The following EVC2 variants were observed in gnomAD, a reference collection of about 807,000 sequenced individuals.
EVC2 encodes limbin.
A neutral mutation model predicts 149.3 loss-of-function variants in EVC2; 148 were observed. The observed-to-expected ratio is 0.99, with a 90% CI of 0.87 to 1.14. EVC2 has a LOEUF of 1.14. Among genes scored for constraint, EVC2 ranks in the 50% most tolerant of loss-of-function variants. The pLI, the probability that EVC2 is intolerant of heterozygous loss-of-function variation, is 0.00. For synonymous variants in EVC2, 776 were observed against 649.9 expected, an observed-to-expected ratio of 1.19 and a Z score of -2.95; for missense variants, 1,854 against 1,627.3, an observed-to-expected ratio of 1.14 and a Z score of -2.40.
chr4:5,648,808 A>C (rs975710529), intron 9 of EVC2, among the ~76,000 whole-genome samples: 9 of 152,144 alleles, frequency 5.9e-5, no homozygotes, highest in Admixed American at 2.0e-4. Flanking sequence ...GATGATAAAA[A>C]CTGTCAGGGT....
At chr4:5,705,540 A>AT (rs144005066) in intron 1 of EVC2, among the ~76,000 whole-genome samples, 12,844 of 151,606 alleles carry the variant, frequency 0.085, 604 homozygotes, top group Non-Finnish European at 0.11. Context: ...CATAAATAGC[A>AT]TTTTTTTTTG....
intron 21 of EVC2, among the ~76,000 whole-genome samples, chr4:5,545,181 A>G (rs530634658): frequency 6.6e-6 from 1 of 152,326 alleles, no homozygotes; most frequent in East Asian, 1.9e-4. Context: ...CCTCTCCAGG[A>G]GACATTCGCT....
chr4:5,625,853 CT>C lies in EVC2; in HGVS notation c.1941del (p.Glu648LysfsTer13). On this transcript the variant is annotated frameshift_variant, in exon 13 of 22. Transcript: ENST00000344408. LOFTEE classifies it high-confidence loss of function. This position sits in a 1 kb window ranked among gnomAD's most constrained non-coding sequence, Gnocchi z 4.0. ...QMEMLLERAQ[T>X]EVFSIKQKLD... Reference sequence around the variant, plus strand: ...AACTTCTGCTTGATTGAAAAGACTTCTGTCTGAGCCCGCTCCAATAGCATTT... The same window carrying C: ...AACTTCTGCTTGATTGAAAAGACTTCGTCTGAGCCCGCTCCAATAGCATTT... The C allele has an allele frequency of 6.2e-7, 1 of 1,614,130 alleles. No individual in the cohort carries two copies. Among genetic ancestry groups the C allele is most frequent in the South Asian group, 1.1e-5 (1 of 91,090 alleles).
chr4:5,590,503 C>A (rs562798937), intron 16 of EVC2, among the ~76,000 whole-genome samples: 1 of 151,454 alleles, frequency 6.6e-6, no homozygotes, highest in South Asian at 2.1e-4. Flanking sequence ...GAGCGCTAAA[C>A]AGAAACCAGC....
At chr4:5,707,236 T>C (rs990925332) in intron 1 of EVC2, among the ~76,000 whole-genome samples, 1 of 152,154 alleles carries the variant, frequency 6.6e-6, no homozygotes, top group African/African-American at 2.4e-5. Context: ...ATTGGACTTT[T>C]GAAAGCTCAG....
downstream of EVC2, among the ~76,000 whole-genome samples, chr4:5,560,919 C>A (rs1721931716): frequency 6.6e-6 from 1 of 152,136 alleles, no homozygotes; most frequent in African/African-American, 2.4e-5. This position sits in a 1 kb window ranked among gnomAD's most constrained non-coding sequence, Gnocchi z 4.1. Context: ...CCCAACACAT[C>A]TTGGCATTTT....
chr4:5,685,520 C>T (rs765005439), intron 5 of EVC2, 41 bp from the exon 6 acceptor site: 2 of 1,577,340 alleles, frequency 1.3e-6, no homozygotes, highest in Middle Eastern at 1.7e-4. Context: ...GAGGGCTTGG[C>T]CACGCCCCCG....
chr4:5,578,394 T>C (rs1723059372), intron 17 of EVC2, among the ~76,000 whole-genome samples: 1 of 152,206 alleles, frequency 6.6e-6, no homozygotes, highest in Non-Finnish European at 1.5e-5. Flanking sequence ...ATGAATTAGT[T>C]GGTTTAATCT....
intron 2 of EVC2, among the ~76,000 whole-genome samples, 165 bp downstream of exon 2, chr4:5,697,428 G>A (rs986942830): frequency 6.6e-6 from 1 of 152,158 alleles, no homozygotes; most frequent in Non-Finnish European, 1.5e-5. Context: ...TTGAGGTGGA[G>A]GTACACTGCC....
At chr4:5,629,960 T>C (rs987925343) in intron 11 of EVC2, among the ~76,000 whole-genome samples, 1 of 152,226 alleles carries the variant, frequency 6.6e-6, no homozygotes, top group African/African-American at 2.4e-5. Flanking sequence ...ATAATATCAT[T>C]CACAATAGCA....
At position 5,618,046 on chromosome 4, in the gene EVC2, C is replaced by T. The variant is rs1715389906; in HGVS notation, c.2706+432G>A. Among the ~76,000 whole-genome samples the T allele has an allele frequency of 6.6e-6, 1 of 152,140 alleles. No homozygotes were observed. Among genetic ancestry groups the T allele is most frequent in the African/African-American group, 2.4e-5 (1 of 41,424 alleles). ...TCCTTTAAGACCCTGTGCAAGAGCC[C>T]CTCTTTCCCTGACCCACCTGAGTTG... On this transcript the variant is annotated intron_variant, in intron 15 of 21. Transcript: ENST00000344408. The surrounding 1 kb of genome is among the most constrained non-coding windows in gnomAD (Gnocchi z 4.4).
chr4:5,604,918 C>A (rs1443185296), intron 16 of EVC2, among the ~76,000 whole-genome samples: 1 of 151,920 alleles, frequency 6.6e-6, no homozygotes, highest in Admixed American at 6.6e-5. Flanking sequence ...ACCTCTGCTA[C>A]CCCCGAGACA....
In EVC2 at chr4:5,614,321, G is replaced by A. The variant is rs10029392; in HGVS notation, c.2829+1101C>T. On this transcript the variant is annotated intron_variant, in intron 16 of 21. Transcript: ENST00000344408. The surrounding 1 kb of genome is among the most constrained non-coding windows in gnomAD (Gnocchi z 4.7). ...CATTTCCCCCAACTAGAACGGGCTC[G>A]CCTCTACTGGAGAGCAGGGACCAGG... Among the ~76,000 whole-genome samples the A allele has an allele frequency of 2.4e-4, 36 of 152,144 alleles. No individual in the cohort carries two copies. Among genetic ancestry groups the A allele is most frequent in the African/African-American group, 8.4e-4 (35 of 41,480 alleles).
At chr4:5,621,160 G>A (rs959049402) in intron 14 of EVC2, among the ~76,000 whole-genome samples, 2 of 152,160 alleles carry the variant, frequency 1.3e-5, no homozygotes, top group African/African-American at 2.4e-5. Flanking sequence ...TAGCAAGGTC[G>A]GATCCTGGGG....
the EVC2 span, among the ~76,000 whole-genome samples, chr4:5,537,442 C>T: frequency 6.6e-6 from 1 of 152,184 alleles, no homozygotes; most frequent in Non-Finnish European, 1.5e-5. Flanking sequence ...ACCAGCCAGA[C>T]TTGAAGACTT....
chr4:5,674,220 C>A lies in EVC2; in HGVS notation c.870+7040G>T, dbSNP rs546343024. On this transcript the variant is annotated intron_variant, in intron 7 of 21. Transcript: ENST00000344408. ...GACAATTGGGGCAAGAGTGAGATCT[C>A]GAAGATAATCACAGGCAGAGACAAT... 2.4e-3 allele frequency among the ~76,000 whole-genome samples: 366 copies of A among 152,194 alleles called. 1 individual carries two copies. Among genetic ancestry groups the A allele is most frequent in the African/African-American group, 8.3e-3 (344 of 41,516 alleles).
chr4:5,557,160 T>TG (rs1365557489), intron 21 of EVC2, among the ~76,000 whole-genome samples: 1 of 152,036 alleles, frequency 6.6e-6, no homozygotes, highest in Non-Finnish European at 1.5e-5. Flanking sequence ...TGAACATAGA[T>TG]GAACAAATCC....
chr4:5,631,644 T>C, intron 11 of EVC2, 149 bp downstream of exon 11: 1 of 1,126,124 alleles, frequency 8.9e-7, no homozygotes, highest in Non-Finnish European at 1.2e-6. Flanking sequence ...TTTCCCTGCT[T>C]ACTGGAAACT....
chr4:5,594,407 C>T (rs1179135960), intron 16 of EVC2, among the ~76,000 whole-genome samples: 2 of 152,282 alleles, frequency 1.3e-5, no homozygotes, highest in South Asian at 2.1e-4. Flanking sequence ...GCAGCATTCG[C>T]GGTTCATGAA....
Sources: allele counts gnomAD v4.1 joint callset (sites outside exome capture counted in the v4.1 genomes callset), GRCh38; gene constraint gnomAD v4.1.1; non-coding constraint Gnocchi (gnomAD v3.1); transcripts MANE v1.5; gene names NCBI Gene and HGNC (gene_info 2026-07-23, HGNC 2026-07-21).